SAE1: variants seen among roughly 807,000 people sequenced by gnomAD.
SAE1 encodes SUMO1 activating enzyme subunit 1.
In SAE1, 11 loss-of-function variants were observed where a neutral mutation model predicts 40.6. The observed-to-expected ratio is 0.27, with a 90% confidence interval of 0.17 to 0.45. The LOEUF (loss-of-function observed/expected upper bound fraction) is 0.45. Ranked by LOEUF, SAE1 falls within the 20% of genes least tolerant of loss-of-function variation. The probability of loss-of-function intolerance (pLI) is 1.00; values close to 1 mark genes in which losing one functional copy is unlikely to be tolerated. For missense variants in SAE1, 373 were observed against 427.3 expected (o/e 0.87, Z 1.12); for synonymous variants, 155 against 154.3 (o/e 1.00, Z -0.03).
At chr19:47,205,151 T>G (rs1021413131) in intron 8 of SAE1, among the ~76,000 whole-genome samples, 3 of 152,178 alleles carry the variant, frequency 2.0e-5, no homozygotes, top group Non-Finnish European at 4.4e-5. Context: ...TCCTTCTTTC[T>G]TATGGAGCAG....
intron 8 of SAE1, among the ~76,000 whole-genome samples, chr19:47,204,187 C>CTTTTTT (rs57736880): frequency 9.7e-5 from 8 of 82,126 alleles, no homozygotes; most frequent in Non-Finnish European, 1.3e-4. Flanking sequence ...AAAGCCCTCC[C>CTTTTTT]TTTTTTTTTT....
At position 47,209,451 on chromosome 19, in the gene SAE1, G is replaced by T. The variant is rs373857818; in HGVS notation, c.*200G>T. 1 of 889,868 alleles carries T rather than the reference G, an allele frequency of 1.1e-6. No homozygotes were observed. The highest frequency in any genetic ancestry group is 1.7e-6 in the Non-Finnish European group (1 of 585,080). 55.1% of individuals were successfully genotyped at this position (889,868 alleles called of 1,614,324 possible). On this transcript the variant is annotated 3_prime_UTR_variant, in exon 9 of 9. Transcript: ENST00000270225. Reference sequence around the variant, plus strand: ...GCTGCTCGACAAGGGGCGCAGGGTGGCTGTCTTTGTTCCAGCACTGTTCAG... The same window carrying T: ...GCTGCTCGACAAGGGGCGCAGGGTGTCTGTCTTTGTTCCAGCACTGTTCAG...
chr19:47,150,074 C>CA (rs34440742), intron 2 of SAE1, 128 bp from the exon 3 acceptor site: 73,467 of 336,434 alleles, frequency 0.22, 1,980 homozygotes, highest in East Asian at 0.31. Context: ...AAGACTGTCT[C>CA]AAAAAAAAAA....
At chr19:47,164,636 C>T (rs2098109537) in intron 5 of SAE1, among the ~76,000 whole-genome samples, 2 of 127,388 alleles carry the variant, frequency 1.6e-5, no homozygotes, top group Admixed American at 8.0e-5. Flanking sequence ...GTGGAGAATT[C>T]ACCTTTTTTT....
At chr19:47,134,558 G>A (rs1372185030) in intron 1 of SAE1, among the ~76,000 whole-genome samples, 2 of 151,828 alleles carry the variant, frequency 1.3e-5, no homozygotes, top group Non-Finnish European at 2.9e-5. Context: ...AGTGGAAAGA[G>A]GATTTATGTG....
chr19:47,178,745 T>G (rs1004203164), intron 6 of SAE1, among the ~76,000 whole-genome samples: 2 of 152,234 alleles, frequency 1.3e-5, no homozygotes, highest in African/African-American at 4.8e-5. Context: ...GTGCTGAGTT[T>G]ATAGGCATGA....
chr19:47,162,059 A>C (rs1292281327), intron 5 of SAE1, among the ~76,000 whole-genome samples: 2 of 152,216 alleles, frequency 1.3e-5, no homozygotes, highest in Admixed American at 6.5e-5. Flanking sequence ...GCCAGTAAGC[A>C]CATGTGGCCA....
intron 5 of SAE1, among the ~76,000 whole-genome samples, chr19:47,156,892 T>A (rs1002841202): frequency 1.3e-5 from 2 of 152,124 alleles, no homozygotes; most frequent in African/African-American, 4.8e-5. Context: ...ATGGGAACCA[T>A]GCGATGGGGA....
intron 6 of SAE1, among the ~76,000 whole-genome samples, chr19:47,186,190 A>T (rs755769106): frequency 1.3e-4 from 19 of 151,912 alleles, no homozygotes; most frequent in Non-Finnish European, 2.2e-4. Context: ...CGGTGAGCCG[A>T]GATCCCGCCA....
chr19:47,167,229 C>T (rs1475347451), intron 5 of SAE1, among the ~76,000 whole-genome samples: 1 of 151,860 alleles, frequency 6.6e-6, no homozygotes, highest in African/African-American at 2.4e-5. Context: ...GCTAGGATTA[C>T]AGGTGTGAGC....
intron 5 of SAE1, among the ~76,000 whole-genome samples, chr19:47,160,887 C>T (rs181788983): frequency 2.9e-4 from 44 of 152,188 alleles, no homozygotes; most frequent in African/African-American, 5.3e-4. Context: ...AATAGGGCAA[C>T]GAGGGGTGTA....
chr19:47,195,085 C>T (rs1212416688), intron 6 of SAE1, among the ~76,000 whole-genome samples: 3 of 148,978 alleles, frequency 2.0e-5, no homozygotes, highest in East Asian at 2.0e-4. Context: ...GATGAAGTCT[C>T]ACTCTGTTGC....
intron 7 of SAE1, among the ~76,000 whole-genome samples, chr19:47,203,438 T>C (rs2058666587): frequency 6.6e-6 from 1 of 152,234 alleles, no homozygotes; most frequent in South Asian, 2.1e-4. Flanking sequence ...AATAAAAGTA[T>C]TGTGAAAGAA....
At chr19:47,195,013 G>A (rs531648209) in intron 6 of SAE1, among the ~76,000 whole-genome samples, 2 of 150,312 alleles carry the variant, frequency 1.3e-5, no homozygotes, top group Non-Finnish European at 3.0e-5. Context: ...AAAGTGCTGG[G>A]ATTACAGACG....
chr19:47,138,680 A>T (rs997544224), intron 1 of SAE1, among the ~76,000 whole-genome samples: 1 of 152,130 alleles, frequency 6.6e-6, no homozygotes, highest in South Asian at 2.1e-4. Flanking sequence ...AGGGGGCAGT[A>T]AACATATAAA....
chr19:47,203,606 C>A, intron 7 of SAE1, 65 bp from the exon 8 acceptor site: 1 of 1,461,998 alleles, frequency 6.8e-7, no homozygotes, highest in Non-Finnish European at 9.6e-7. Flanking sequence ...TACTGAATTT[C>A]TCCAGATGTC....
intron 7 of SAE1, among the ~76,000 whole-genome samples, chr19:47,197,750 C>T (rs1365495195): frequency 6.6e-6 from 1 of 152,178 alleles, no homozygotes; most frequent in African/African-American, 2.4e-5. Context: ...GAGTGTGAAG[C>T]GATGGAGTTT....
chr19:47,156,370 T>G lies in SAE1; in HGVS notation c.627+1157T>G, dbSNP rs563223152. On this transcript the variant is annotated intron_variant, in intron 5 of 8. Transcript: ENST00000270225. ...GTGCGTTGCTTGTAGTCCCAGCTAC[T>G]TGGGAGGCTGAGGCAGGAGAATAGC... is the stretch of plus-strand genomic sequence containing the variant. Among the ~76,000 whole-genome samples, 56 of 151,814 alleles carry G rather than the reference T, an allele frequency of 3.7e-4. 3 individuals carry two copies. In the East Asian group the frequency reaches 0.011, roughly 29 times the overall value.
chr19:47,182,464 A>AGTGTGTGTGT (rs113149127), intron 6 of SAE1, among the ~76,000 whole-genome samples: 2,162 of 144,378 alleles, frequency 0.015, 43 homozygotes, highest in East Asian at 0.083. Flanking sequence ...AAAAAAGCGT[A>AGTGTGTGTGT]GTGTGTGTGT....
Sources: gnomAD v4.1 joint callset for allele counts (sites outside exome capture counted in the v4.1 genomes callset) on GRCh38, gnomAD v4.1.1 for gene constraint, MANE v1.5 for transcripts, NCBI Gene and HGNC (gene_info 2026-07-23, HGNC 2026-07-21) for gene names.